The following NUSAP1 variants were observed in gnomAD, a reference collection of about 807,000 sequenced individuals.
NUSAP1 encodes nucleolar and spindle associated protein 1, also known as nucleolar and spindle-associated protein 1.
Under a neutral mutation model 52.8 loss-of-function variants are expected in NUSAP1, and 32 were observed. The observed-to-expected ratio is 0.61, with a 90% confidence interval of 0.46 to 0.81. The LOEUF (loss-of-function observed/expected upper bound fraction) is 0.81. NUSAP1 is among the 40% of genes least tolerant of loss of function. The pLI is 0.00. For synonymous variants in NUSAP1, 195 were observed against 183.1 expected, an observed-to-expected ratio of 1.06 and a Z score of -0.52; for missense variants, 499 against 522.3, an observed-to-expected ratio of 0.96 and a Z score of 0.43.
chr15:41,377,621 C>T (rs2050004349), intron 10 of NUSAP1, among the ~76,000 whole-genome samples: 1 of 143,110 alleles, frequency 7.0e-6, no homozygotes, highest in South Asian at 2.2e-4. Flanking sequence ...ATGGCGTGAA[C>T]CCAGGAGGCA....
chr15:41,337,721 T>C (rs1390233016), intron 1 of NUSAP1, among the ~76,000 whole-genome samples: 1 of 152,076 alleles, frequency 6.6e-6, no homozygotes, highest in African/African-American at 2.4e-5. Flanking sequence ...AACATTCCCC[T>C]CTGCTCCAGG....
chr15:41,370,166 G>C (rs996717770), intron 7 of NUSAP1, among the ~76,000 whole-genome samples: 3 of 151,494 alleles, frequency 2.0e-5, no homozygotes, highest in African/African-American at 7.3e-5. Flanking sequence ...CGGATCATGA[G>C]GTCAGGAGAT....
intron 1 of NUSAP1, among the ~76,000 whole-genome samples, chr15:41,337,366 G>A (rs2048197593): frequency 1.3e-5 from 2 of 152,084 alleles, no homozygotes; most frequent in African/African-American, 4.8e-5. Context: ...CACATACTCT[G>A]CTTCTTTGCC....
intron 2 of NUSAP1, among the ~76,000 whole-genome samples, chr15:41,347,104 G>A (rs548154457): frequency 4.6e-5 from 7 of 151,738 alleles, no homozygotes; most frequent in South Asian, 2.1e-4. Context: ...CCTGGGAGGC[G>A]GAGATTGCAG....
intron 1 of NUSAP1, among the ~76,000 whole-genome samples, chr15:41,335,638 A>ATATATATAGTATATATAC (rs2048094150): frequency 7.2e-6 from 1 of 139,774 alleles, no homozygotes; most frequent in Non-Finnish European, 1.5e-5. Flanking sequence ...AATATACTAT[A>ATATATATAGTATATATAC]TATAAATATA....
intron 2 of NUSAP1, among the ~76,000 whole-genome samples, chr15:41,346,861 AAATAAAT>A (rs1258476574): frequency 6.7e-6 from 1 of 149,594 alleles, no homozygotes; most frequent in Non-Finnish European, 1.5e-5. Context: ...ATAAATAAAT[AAATAAAT>A]AAATAAATAA....
At chr15:41,364,794 G>A (rs1255290639) in intron 6 of NUSAP1, among the ~76,000 whole-genome samples, 2 of 152,096 alleles carry the variant, frequency 1.3e-5, no homozygotes, top group Non-Finnish European at 2.9e-5. Context: ...CTTGAACCTG[G>A]AAGGTGAAGA....
intron 7 of NUSAP1, 163 bp downstream of exon 7, chr15:41,365,752 G>C (rs886784825): frequency 1.0e-5 from 4 of 398,672 alleles, no homozygotes; most frequent in Non-Finnish European, 1.7e-5. Flanking sequence ...ATGAGGTCTC[G>C]CTCTGTCGCC....
chr15:41,360,840 G>T (rs574647622), intron 6 of NUSAP1, among the ~76,000 whole-genome samples: 3 of 147,946 alleles, frequency 2.0e-5, no homozygotes, highest in Non-Finnish European at 4.4e-5. Context: ...TGTCACTCAG[G>T]CTGGAGTGCA....
chr15:41,335,933 A>T (rs1037354341), intron 1 of NUSAP1, among the ~76,000 whole-genome samples: 1 of 150,556 alleles, frequency 6.6e-6, no homozygotes, highest in African/African-American at 2.4e-5. Context: ...ATTTTAATCA[A>T]ATCTTGATAA....
At chr15:41,380,054 A>G (rs769580436) in intron 10 of NUSAP1, 39 bp from the exon 11 acceptor site, 19 of 1,445,592 alleles carry the variant, frequency 1.3e-5, no homozygotes, top group Non-Finnish European at 1.7e-5. Context: ...TCTGTTTTGG[A>G]GCCTCCCTAG....
chr15:41,367,811 T>C (rs2049482489), intron 7 of NUSAP1, among the ~76,000 whole-genome samples: 1 of 152,148 alleles, frequency 6.6e-6, no homozygotes, highest in African/African-American at 2.4e-5. Context: ...CTGATTCTGG[T>C]AGAGGAGACA....
Position 41,356,063 on chromosome 15 carries a change from C to A in NUSAP1, c.473C>A (p.Ser158Ter). 6 of 1,605,102 alleles carry A rather than the reference C, an allele frequency of 3.7e-6. No homozygotes were observed. Among genetic ancestry groups the A allele is most frequent in the Non-Finnish European group, 5.1e-6 (6 of 1,174,170 alleles). The change falls in exon 5 of 11, where the codon TCA becomes TAA. Residue 158 changes from serine (S) to a stop codon, truncating the protein, a stop_gained. Coordinates refer to ENST00000559596, the MANE Select transcript of NUSAP1 (RefSeq NM_016359.5). LOFTEE classifies it high-confidence loss of function. ...GGTAACAGAGATTCAAAGGTACCTTCAGAAGGAAAGAAATCTCTCTACACA... is the reference window on the plus strand; with the variant it reads ...GGTAACAGAGATTCAAAGGTACCTTAAGAAGGAAAGAAATCTCTCTACACA... ...SSGNRDSKVP[S>*]EGKKSLYTDE...
chr15:41,378,827 G>A (rs906905397), intron 10 of NUSAP1, among the ~76,000 whole-genome samples: 1 of 146,180 alleles, frequency 6.8e-6, no homozygotes, highest in African/African-American at 2.6e-5. Context: ...ATAGTTTAGT[G>A]AAAGGAATAG....
intron 1 of NUSAP1, among the ~76,000 whole-genome samples, chr15:41,342,020 A>G (rs1449711027): frequency 6.6e-6 from 1 of 152,116 alleles, no homozygotes; most frequent in Non-Finnish European, 1.5e-5. Flanking sequence ...CCTTCTCTTC[A>G]TCCTTCAGAT....
chr15:41,372,377 C>T (rs1055524248), intron 8 of NUSAP1, among the ~76,000 whole-genome samples: 3 of 152,096 alleles, frequency 2.0e-5, no homozygotes, highest in East Asian at 1.9e-4. Flanking sequence ...CATGTTGACT[C>T]GTTTTCACAG....
chr15:41,363,416 C>G (rs1359733406), intron 6 of NUSAP1, among the ~76,000 whole-genome samples: 2 of 151,268 alleles, frequency 1.3e-5, no homozygotes, highest in African/African-American at 4.9e-5. Flanking sequence ...ACCCTGTCAC[C>G]CAGGTGGTAA....
intron 6 of NUSAP1, among the ~76,000 whole-genome samples, chr15:41,360,453 A>T (rs942208850): frequency 1.3e-5 from 2 of 152,000 alleles, no homozygotes; most frequent in Non-Finnish European, 2.9e-5. Flanking sequence ...AGTAGCTGGG[A>T]TTATAGGTGC....
chr15:41,354,888 C>T (rs758044492), intron 4 of NUSAP1, among the ~76,000 whole-genome samples: 15 of 151,028 alleles, frequency 9.9e-5, no homozygotes, highest in Non-Finnish European at 1.9e-4. Context: ...GGTGTGGGGG[C>T]GGGCGCCTAT....
Sources: gnomAD v4.1 joint callset for allele counts (sites outside exome capture counted in the v4.1 genomes callset) on GRCh38, gnomAD v4.1.1 for gene constraint, MANE v1.5 for transcripts, NCBI Gene and HGNC (gene_info 2026-07-23, HGNC 2026-07-21) for gene names.